NPAS2: variants seen among roughly 807,000 people sequenced by gnomAD.
NPAS2 encodes the protein neuronal PAS domain protein 2, also known as neuronal PAS domain-containing protein 2.
NPAS2 carries 23 observed loss-of-function variants against 107.5 expected under a neutral mutation model. The observed-to-expected ratio is 0.21, with a 90% CI of 0.15 to 0.30. The LOEUF (loss-of-function observed/expected upper bound fraction) is 0.30. Ranked by LOEUF, NPAS2 falls within the 10% of genes least tolerant of loss-of-function variation. The pLI is 1.00. For missense variants in NPAS2, 756 were observed against 1,043.3 expected (o/e 0.72, Z 3.79); for synonymous variants, 403 against 417.5 (o/e 0.97, Z 0.42).
intron 1 of NPAS2, among the ~76,000 whole-genome samples, chr2:100,903,300 A>C (rs1040200248): frequency 6.6e-6 from 1 of 152,230 alleles, no homozygotes; most frequent in African/African-American, 2.4e-5. Context: ...TCTGGAAAAC[A>C]TTAAGCACAG....
rs2289950 is a variant in NPAS2, at chr2:100,968,433, C to T, written c.1055+5C>T. 211,556 of 1,612,586 alleles carry T rather than the reference C, an allele frequency of 0.13. 22,531 individuals carry two copies. The highest frequency in any genetic ancestry group is 0.47 in the East Asian group (21,276 of 44,796). ...GTGCACACACTCGGTGGTCAGGTAC[C>T]GCGCACGGGCAGGGGTGCGGCTGCG... On this transcript the variant is annotated splice_donor_5th_base_variant and intron_variant, in intron 11 of 20. Transcript: ENST00000335681. This position sits in a 1 kb window ranked among gnomAD's most constrained non-coding sequence, Gnocchi z 5.3.
chr2:100,852,704 G>A (rs1019302132), intron 1 of NPAS2, among the ~76,000 whole-genome samples: 6 of 152,088 alleles, frequency 3.9e-5, no homozygotes, highest in African/African-American at 1.4e-4. Context: ...TACATTGCAA[G>A]AGAGATGGGA....
chr2:100,904,209 C>G (rs1681983034), intron 1 of NPAS2, among the ~76,000 whole-genome samples: 1 of 152,066 alleles, frequency 6.6e-6, no homozygotes, highest in African/African-American at 2.4e-5. Flanking sequence ...CAGGAGTGAA[C>G]AAGGCCCGCT....
At chr2:100,901,444 G>C (rs897416146) in intron 1 of NPAS2, 1 of 830,354 alleles carries the variant, frequency 1.2e-6, no homozygotes, top group African/African-American at 1.9e-5. Context: ...AAAAGACTCC[G>C]GAGAGTTTGT....
rs140071080 is a variant in NPAS2 at position 100,889,396 on chromosome 2, A to G, written c.-22-15337A>G. On this transcript the variant is annotated intron_variant, in intron 1 of 20. Coordinates refer to ENST00000335681, the MANE Select transcript of NPAS2 (RefSeq NM_002518.4). ...GTTTGTTGAGGTTCACCCTGTATCC[A>G]GTGGCTCTTCTAGCACAGGCAGAGA... Among the ~76,000 whole-genome samples the G allele has an allele frequency of 4.5e-4, 69 of 152,330 alleles. 1 individual carries two copies. In the East Asian group the frequency reaches 9.6e-3, roughly 21 times the overall value.
chr2:100,962,023 A>G (rs529766192), intron 7 of NPAS2, among the ~76,000 whole-genome samples: 29 of 152,216 alleles, frequency 1.9e-4, no homozygotes, highest in South Asian at 4.1e-4. Flanking sequence ...TTTTTTAATT[A>G]TGCGGATGTT....
chr2:100,948,832 C>T (rs1034797755), intron 6 of NPAS2, among the ~76,000 whole-genome samples: 2 of 152,162 alleles, frequency 1.3e-5, no homozygotes, highest in African/African-American at 4.8e-5. Context: ...GGAATTCAGA[C>T]GTTTTTATCA....
chr2:100,984,729 G>A (rs568602133), intron 16 of NPAS2: 1 of 152,090 alleles, frequency 6.6e-6, no homozygotes, highest in African/African-American at 2.4e-5. Context: ...ATAAACAGAA[G>A]TACGGCTGTG....
Position 100,964,189 on chromosome 2 carries a change from G to C in NPAS2, c.717+13G>C. On this transcript the variant is annotated intron_variant, in intron 8 of 20. Transcript: ENST00000335681. ...ACAATTCTTAAAGGCAAGTACCTGA[G>C]AGGCAGTTCATTGTGCGGAGCTGTT... 6.6e-7 allele frequency: 1 copy of C among 1,516,694 alleles called. No homozygotes were observed. Among genetic ancestry groups the C allele is most frequent in the South Asian group, 1.1e-5 (1 of 89,110 alleles). The allele number at this position is 1,516,694 out of a possible 1,614,324, so 94.0% of individuals were successfully genotyped here.
intron 1 of NPAS2, among the ~76,000 whole-genome samples, chr2:100,863,064 T>C (rs920218527): frequency 3.3e-5 from 5 of 152,214 alleles, no homozygotes; most frequent in Admixed American, 1.3e-4. Flanking sequence ...AGTGCCACCA[T>C]GGCAGTCACC....
Position 100,904,040 on chromosome 2 carries a change from C to T in NPAS2, c.-22-693C>T, listed in dbSNP as rs138566366. Among the ~76,000 whole-genome samples the T allele has an allele frequency of 3.9e-5, 6 of 152,282 alleles. No homozygotes were observed. The East Asian group carries it at 1.2e-3, about 29-fold the overall frequency. Reference sequence around the variant, plus strand: ...GTAATCTTTCACATCTGTGCACCTTCGCTGTCTCAAGGAGAGTAAACGCCC... The same window carrying T: ...GTAATCTTTCACATCTGTGCACCTTTGCTGTCTCAAGGAGAGTAAACGCCC... On this transcript the variant is annotated intron_variant, in intron 1 of 20. Coordinates refer to ENST00000335681, the MANE Select transcript of NPAS2 (RefSeq NM_002518.4).
At chr2:100,899,187 G>A (rs1681616747) in intron 1 of NPAS2, among the ~76,000 whole-genome samples, 1 of 151,866 alleles carries the variant, frequency 6.6e-6, no homozygotes, top group African/African-American at 2.4e-5. Flanking sequence ...AAAAACTGAG[G>A]AAGTCTGAGC....
chr2:100,969,343 C>T (rs1476663758), intron 11 of NPAS2, among the ~76,000 whole-genome samples: 2 of 152,162 alleles, frequency 1.3e-5, no homozygotes, highest in African/African-American at 4.8e-5. Context: ...TGCTCTCCCT[C>T]CACTTGTCCC....
At chr2:100,856,044 T>A (rs1318340586) in intron 1 of NPAS2, among the ~76,000 whole-genome samples, 1 of 152,166 alleles carries the variant, frequency 6.6e-6, no homozygotes, top group Admixed American at 6.5e-5. Flanking sequence ...GTAATACATT[T>A]TGATTAGAGG....
chr2:100,830,516 C>T (rs1676667271), intron 1 of NPAS2, among the ~76,000 whole-genome samples: 4 of 150,204 alleles, frequency 2.7e-5, no homozygotes, highest in Admixed American at 2.0e-4. Flanking sequence ...GTTCCCTGCC[C>T]TGTGTCCCAA....
At chr2:100,838,159 C>T (rs1323433348) in intron 1 of NPAS2, among the ~76,000 whole-genome samples, 1 of 150,490 alleles carries the variant, frequency 6.6e-6, no homozygotes, top group Non-Finnish European at 1.5e-5. Flanking sequence ...CTGAAATTGT[C>T]ATCCCTGGGT....
intron 4 of NPAS2, among the ~76,000 whole-genome samples, chr2:100,933,302 A>G (rs1187823114): frequency 6.6e-6 from 1 of 152,210 alleles, no homozygotes; most frequent in East Asian, 1.9e-4. Flanking sequence ...CGAGGTAGGT[A>G]GAGAGAGGAG....
chr2:100,995,647 A>G lies in NPAS2; in HGVS notation c.*65A>G, dbSNP rs778331274. Reference sequence around the variant, plus strand: ...AATGGATGAGGGGGGTGGCCACAGGAGATGGGGAGAGGAGTCTGAACTAAA... The same window carrying G: ...AATGGATGAGGGGGGTGGCCACAGGGGATGGGGAGAGGAGTCTGAACTAAA... On this transcript the variant is annotated 3_prime_UTR_variant, in exon 21 of 21. Transcript: ENST00000335681. 9 of 1,561,760 alleles carry G rather than the reference A, an allele frequency of 5.8e-6. No individual in the cohort carries two copies. Among genetic ancestry groups the G allele is most frequent in the Non-Finnish European group, 7.8e-6 (9 of 1,153,362 alleles).
chr2:100,825,523 C>T (rs1352844836), intron 1 of NPAS2, among the ~76,000 whole-genome samples: 1 of 152,148 alleles, frequency 6.6e-6, no homozygotes, highest in Admixed American at 6.5e-5. Context: ...TGTGGCCTAC[C>T]CATAATCATC....
Sources: gnomAD v4.1 joint callset for allele counts (sites outside exome capture counted in the v4.1 genomes callset) on GRCh38, gnomAD v4.1.1 for gene constraint, Gnocchi (gnomAD v3.1) non-coding constraint, MANE v1.5 for transcripts, NCBI Gene and HGNC (gene_info 2026-07-23, HGNC 2026-07-21) for gene names.